The following SORCS2 variants were observed in gnomAD, a reference collection of about 807,000 sequenced individuals.
SORCS2 encodes the protein sortilin related VPS10 domain containing receptor 2, also known as VPS10 domain-containing receptor SorCS2.
SORCS2 carries 100 observed loss-of-function variants against 141.6 expected under a neutral mutation model. That is an observed-to-expected ratio of 0.71 (90% confidence interval 0.60 to 0.83). The LOEUF (loss-of-function observed/expected upper bound fraction) is 0.83. Ranked by LOEUF, SORCS2 falls within the 40% of genes least tolerant of loss-of-function variation. The pLI is 0.00. For missense variants in SORCS2, 1,646 were observed against 1,560.2 expected, an observed-to-expected ratio of 1.05 and a Z score of -0.93; for synonymous variants, 789 against 676.9, an observed-to-expected ratio of 1.17 and a Z score of -2.57.
At position 7,662,969 on chromosome 4, in the gene SORCS2, G is replaced by GGTGA. The variant is rs369693061; in HGVS notation, c.953-1362_953-1359dup. On this transcript the variant is annotated intron_variant, in intron 6 of 26. Coordinates refer to ENST00000507866, the MANE Select transcript of SORCS2 (RefSeq NM_020777.3). The stretch of plus-strand genomic sequence containing the variant: ...GATTGAGGGAATGAATGAATGAATA[G>GGTGA]GTGAGTGAGTGAGTGAGTGAGTGAG... Among the ~76,000 whole-genome samples, 411 of 152,166 alleles carry GGTGA rather than the reference G, an allele frequency of 2.7e-3. 1 individual carries two copies. The highest frequency in any genetic ancestry group is 0.014 in the Middle Eastern group (4 of 294).
Position 7,676,037 on chromosome 4 carries a change from C to T in SORCS2, c.1162-13C>T. 1 of 1,569,298 alleles carries T rather than the reference C, an allele frequency of 6.4e-7. No individual in the cohort carries two copies. Among genetic ancestry groups the T allele is most frequent in the Non-Finnish European group, 8.6e-7 (1 of 1,156,292 alleles). ...CCTGGCTCTGACCCTGTGCTCCCTG[C>T]ACATCCCCACAGGATCTGCAGATCA... On this transcript the variant is annotated splice_polypyrimidine_tract_variant and intron_variant, in intron 8 of 26. Coordinates refer to ENST00000507866, the MANE Select transcript of SORCS2 (RefSeq NM_020777.3).
chr4:7,621,619 T>G (rs1384385560), intron 3 of SORCS2, among the ~76,000 whole-genome samples: 2 of 152,114 alleles, frequency 1.3e-5, no homozygotes, highest in Admixed American at 6.6e-5. Context: ...ATTTTGGGGG[T>G]GGTGGTGATC....
intron 1 of SORCS2, among the ~76,000 whole-genome samples, chr4:7,366,125 C>T (rs1358574241): frequency 6.6e-6 from 1 of 152,180 alleles, no homozygotes; most frequent in Non-Finnish European, 1.5e-5. Context: ...GGCACAGGCT[C>T]CCCGCACATC....
At chr4:7,211,334 A>G (rs1728048902) in intron 1 of SORCS2, among the ~76,000 whole-genome samples, 1 of 152,124 alleles carries the variant, frequency 6.6e-6, no homozygotes, top group South Asian at 2.1e-4. Context: ...GGGGCAGGCC[A>G]TGGCGCTGGG....
At chr4:7,321,879 G>C (rs1718915793) in intron 1 of SORCS2, among the ~76,000 whole-genome samples, 1 of 152,206 alleles carries the variant, frequency 6.6e-6, no homozygotes. Context: ...GGCCCTGAGG[G>C]CTGGAAAGGT....
At chr4:7,404,002 T>A (rs1490594029) in intron 2 of SORCS2, among the ~76,000 whole-genome samples, 2,778 of 57,644 alleles carry the variant, frequency 0.048, 82 homozygotes, top group Non-Finnish European at 0.063. Flanking sequence ...TATATATTTT[T>A]TTTTTTTTTT....
intron 11 of SORCS2, among the ~76,000 whole-genome samples, chr4:7,691,827 T>G (rs1004174066): frequency 3.3e-5 from 5 of 151,934 alleles, no homozygotes; most frequent in Admixed American, 2.6e-4. Context: ...AGGCATGATT[T>G]CCAATGTTTC....
At chr4:7,434,047 C>T in intron 2 of SORCS2, 1 of 1,611,228 alleles carries the variant, frequency 6.2e-7, no homozygotes, top group Non-Finnish European at 8.5e-7. Flanking sequence ...CCTTGGCAAC[C>T]CCAGCTCCAG....
At chr4:7,735,700 C>T (rs922535421) in intron 25 of SORCS2, among the ~76,000 whole-genome samples, 8 of 152,202 alleles carry the variant, frequency 5.3e-5, no homozygotes, top group Non-Finnish European at 1.0e-4. Flanking sequence ...CAGGTCTATC[C>T]AGGGGTTCCG....
At chr4:7,370,232 C>T (rs999845696) in intron 1 of SORCS2, among the ~76,000 whole-genome samples, 3 of 152,176 alleles carry the variant, frequency 2.0e-5, no homozygotes, top group African/African-American at 7.2e-5. Flanking sequence ...GGCTCCCTGA[C>T]CTCCAGCCCA....
intron 1 of SORCS2, among the ~76,000 whole-genome samples, chr4:7,390,305 C>T (rs569675513): frequency 3.9e-5 from 6 of 152,272 alleles, no homozygotes; most frequent in Non-Finnish European, 7.4e-5. Flanking sequence ...CTTGAGCCTC[C>T]GAAAGGCAGC....
At chr4:7,522,948 A>G (rs1467216616) in intron 2 of SORCS2, among the ~76,000 whole-genome samples, 2 of 52,358 alleles carry the variant, frequency 3.8e-5, no homozygotes, top group Non-Finnish European at 7.2e-5. Context: ...CTCTTCCCCC[A>G]TCCTTCCCCT....
At chr4:7,401,054 AATGGATTG>A (rs1176363565) in intron 2 of SORCS2, among the ~76,000 whole-genome samples, 4 of 142,970 alleles carry the variant, frequency 2.8e-5, no homozygotes, top group African/African-American at 1.1e-4. Context: ...CAGATGGATG[AATGGATTG>A]ATGGATGGAT....
chr4:7,222,513 A>C (rs1295460322), intron 1 of SORCS2, among the ~76,000 whole-genome samples: 1 of 132,486 alleles, frequency 7.5e-6, no homozygotes, highest in Non-Finnish European at 1.6e-5. Context: ...GCTAACGGGC[A>C]TGGTGATGAA....
chr4:7,387,795 T>G (rs1406197556), intron 1 of SORCS2, among the ~76,000 whole-genome samples: 1 of 50,348 alleles, frequency 2.0e-5, no homozygotes, highest in African/African-American at 1.1e-4. Context: ...GGTACATGCA[T>G]GCTCACATGC....
At chr4:7,477,156 G>A (rs1284302786) in intron 2 of SORCS2, among the ~76,000 whole-genome samples, 1 of 152,254 alleles carries the variant, frequency 6.6e-6, no homozygotes, top group South Asian at 2.1e-4. Context: ...TCCGTGGCAG[G>A]GCAGTGCTGT....
Position 7,313,350 on chromosome 4 carries a change from G to A in SORCS2, c.481-82938G>A, listed in dbSNP as rs531188261. On this transcript the variant is annotated intron_variant, in intron 1 of 26. Transcript: ENST00000507866. The stretch of plus-strand genomic sequence containing the variant: ...GCTCTGGGGACACACAGCAGGGAAG[G>A]CGCAGTCCTCCTCCTAAAGCCCTCA... 4.6e-5 allele frequency among the ~76,000 whole-genome samples: 7 copies of A among 152,350 alleles called. No individual in the cohort carries two copies. In the East Asian group the frequency reaches 1.4e-3, roughly 29 times the overall value.
intron 8 of SORCS2, among the ~76,000 whole-genome samples, chr4:7,673,600 C>T (rs1194537769): frequency 1.3e-5 from 2 of 152,192 alleles, no homozygotes; most frequent in African/African-American, 4.8e-5. Flanking sequence ...CAAACGTAAA[C>T]ATTTGAAAAC....
chr4:7,623,781 T>C (rs1199850374), intron 3 of SORCS2, among the ~76,000 whole-genome samples: 1 of 152,200 alleles, frequency 6.6e-6, no homozygotes, highest in East Asian at 1.9e-4. Flanking sequence ...GGTCTTTGCC[T>C]GTTCACTAGA....
Sources: gnomAD v4.1 joint callset for allele counts (sites outside exome capture counted in the v4.1 genomes callset) on GRCh38, gnomAD v4.1.1 for gene constraint, MANE v1.5 for transcripts, NCBI Gene and HGNC (gene_info 2026-07-23, HGNC 2026-07-21) for gene names.